The following CNBD1 variants were observed in gnomAD, a reference collection of about 807,000 sequenced individuals.
CNBD1 encodes cyclic nucleotide-binding domain-containing protein 1.
Under a neutral mutation model 54.4 loss-of-function variants are expected in CNBD1, and 71 were observed. The ratio of observed to expected loss-of-function variants is 1.30; its 90% confidence interval spans 1.08 to 1.59. CNBD1 has a LOEUF of 1.59. Among genes scored for constraint, CNBD1 ranks in the 40% most tolerant of loss-of-function variants. CNBD1 has a pLI of 0.00. For synonymous variants in CNBD1, 182 were observed against 170.7 expected (o/e 1.07, Z -0.51); for missense variants, 659 against 518.0 (o/e 1.27, Z -2.64).
chr8:87,072,523 A>G (rs1320541808), intron 4 of CNBD1, among the ~76,000 whole-genome samples: 1 of 152,116 alleles, frequency 6.6e-6, no homozygotes, highest in Non-Finnish European at 1.5e-5. Flanking sequence ...TTTCCTTAGC[A>G]TTTGCTTGAC....
intron 4 of CNBD1, among the ~76,000 whole-genome samples, chr8:86,952,032 GCTTC>G (rs1353671705): frequency 6.6e-6 from 1 of 152,110 alleles, no homozygotes; most frequent in Non-Finnish European, 1.5e-5. Flanking sequence ...ATATCTAATT[GCTTC>G]CTTTGGAAAG....
intron 3 of CNBD1, among the ~76,000 whole-genome samples, chr8:86,906,280 A>C: frequency 6.6e-6 from 1 of 152,198 alleles, no homozygotes; most frequent in Non-Finnish European, 1.5e-5. Flanking sequence ...TCATTATCCT[A>C]TACCTTTCTT....
chr8:86,943,685 C>T (rs1049540180), intron 4 of CNBD1, among the ~76,000 whole-genome samples: 1 of 151,844 alleles, frequency 6.6e-6, no homozygotes, highest in African/African-American at 2.4e-5. Flanking sequence ...AGTTGGGAGG[C>T]CCCTTTTTAA....
Position 87,048,333 on chromosome 8 carries a change from C to T in CNBD1, c.431+108579C>T, listed in dbSNP as rs1810244095. 2.6e-5 allele frequency among the ~76,000 whole-genome samples: 4 copies of T among 152,276 alleles called. No individual in the cohort carries two copies. In the South Asian group the frequency reaches 8.3e-4, roughly 32 times the overall value. ...AAAATCATTGGTAAGAAAAGGCCAA[C>T]CACACATTATTTCAAAAGGGCTTAA... On this transcript the variant is annotated intron_variant, in intron 4 of 10. Coordinates refer to ENST00000518476, the MANE Select transcript of CNBD1 (RefSeq NM_173538.3).
At chr8:87,014,164 G>A (rs1809303276) in intron 4 of CNBD1, among the ~76,000 whole-genome samples, 1 of 151,432 alleles carries the variant, frequency 6.6e-6, no homozygotes, top group South Asian at 2.1e-4. Context: ...AACCAGAAGA[G>A]TAGTCAAATG....
chr8:87,285,369 C>A (rs747985104), intron 7 of CNBD1, among the ~76,000 whole-genome samples: 10 of 152,126 alleles, frequency 6.6e-5, no homozygotes, highest in Non-Finnish European at 1.2e-4. Flanking sequence ...ATAATTTATT[C>A]TCTTCTAATC....
At chr8:87,004,630 A>G (rs2130550237) in intron 4 of CNBD1, among the ~76,000 whole-genome samples, 1 of 152,248 alleles carries the variant, frequency 6.6e-6, no homozygotes, top group East Asian at 1.9e-4. Context: ...TAAAGACAAT[A>G]CTGAGAATCA....
chr8:87,306,939 A>T (rs1368980588), intron 8 of CNBD1, among the ~76,000 whole-genome samples: 1 of 152,168 alleles, frequency 6.6e-6, no homozygotes, highest in Non-Finnish European at 1.5e-5. Context: ...GTACCCCAGG[A>T]TATGGGGGAA....
intron 4 of CNBD1, among the ~76,000 whole-genome samples, chr8:87,123,668 A>C (rs1811933686): frequency 6.6e-6 from 1 of 151,744 alleles, no homozygotes. Flanking sequence ...AGTAAAAACC[A>C]GAGCAGATCT....
intron 10 of CNBD1, 99 bp from the exon 11 acceptor site, chr8:87,382,521 C>G: frequency 1.1e-6 from 1 of 894,100 alleles, no homozygotes; most frequent in Non-Finnish European, 1.8e-6. Context: ...ACCCCTCTGA[C>G]TCAGCAATGT....
intron 4 of CNBD1, among the ~76,000 whole-genome samples, chr8:86,991,965 G>C (rs1388958128): frequency 6.6e-6 from 1 of 152,116 alleles, no homozygotes; most frequent in Non-Finnish European, 1.5e-5. Context: ...TCTGTGTGCA[G>C]ATGAGAAGAA....
chr8:87,383,190 G>T (rs1368909559), downstream of CNBD1, among the ~76,000 whole-genome samples: 2 of 151,926 alleles, frequency 1.3e-5, no homozygotes, highest in East Asian at 1.9e-4. Flanking sequence ...TCCTTGATGT[G>T]ATTATATTAT....
intron 2 of CNBD1, among the ~76,000 whole-genome samples, chr8:87,427,151 T>G (rs993252819): frequency 3.3e-5 from 5 of 152,056 alleles, no homozygotes; most frequent in African/African-American, 1.2e-4. Context: ...TCCTGATATA[T>G]GTGCTTTCAG....
At chr8:87,051,611 G>A (rs1338717802) in intron 4 of CNBD1, among the ~76,000 whole-genome samples, 2 of 152,180 alleles carry the variant, frequency 1.3e-5, no homozygotes, top group Admixed American at 1.3e-4. Context: ...ACAAAGGGAT[G>A]GGCTGAAATA....
chr8:86,955,149 C>T (rs1443986948), intron 4 of CNBD1, among the ~76,000 whole-genome samples: 2 of 152,128 alleles, frequency 1.3e-5, no homozygotes, highest in African/African-American at 4.8e-5. Context: ...CACGTCCCTA[C>T]AAAGGACATG....
At chr8:86,951,013 G>A (rs35828438) in intron 4 of CNBD1, among the ~76,000 whole-genome samples, 11,586 of 152,102 alleles carry the variant, frequency 0.076, 489 homozygotes, top group South Asian at 0.083. Context: ...TGCAGTATCA[G>A]ATGCAATGTT....
At chr8:86,954,550 T>A (rs1807709654) in intron 4 of CNBD1, among the ~76,000 whole-genome samples, 1 of 143,188 alleles carries the variant, frequency 7.0e-6, no homozygotes, top group Non-Finnish European at 1.5e-5. Flanking sequence ...AATCCTTTAA[T>A]CCTCTGAACG....
At chr8:87,088,592 T>C (rs1484562961) in intron 4 of CNBD1, among the ~76,000 whole-genome samples, 1 of 152,164 alleles carries the variant, frequency 6.6e-6, no homozygotes, top group Middle Eastern at 3.2e-3. Flanking sequence ...TTTTACATGT[T>C]AATTATAGTA....
chr8:87,420,574 T>G (rs1478745413), intron 2 of CNBD1, among the ~76,000 whole-genome samples: 1 of 152,078 alleles, frequency 6.6e-6, no homozygotes, highest in Non-Finnish European at 1.5e-5. Context: ...TTCCTGTCAC[T>G]TACAGTTACT....
Sources: allele counts gnomAD v4.1 joint callset (sites outside exome capture counted in the v4.1 genomes callset), GRCh38; gene constraint gnomAD v4.1.1; transcripts MANE v1.5; gene names NCBI Gene and HGNC (gene_info 2026-07-23, HGNC 2026-07-21).